SLC25A21: variants seen among roughly 807,000 people sequenced by gnomAD.
The protein encoded by SLC25A21 is solute carrier family 25 member 21.
In SLC25A21, 47 loss-of-function variants were observed where a neutral mutation model predicts 43.8. The observed-to-expected ratio is 1.07, with a 90% CI of 0.85 to 1.37. The LOEUF (loss-of-function observed/expected upper bound fraction) is 1.37. Ranked by LOEUF, SLC25A21 falls within the 40% of genes most tolerant of loss-of-function variation. The pLI is 0.00. For missense variants in SLC25A21, 352 were observed against 350.2 expected (o/e 1.00, Z -0.04); for synonymous variants, 131 against 121.3 (o/e 1.08, Z -0.52).
chr14:37,105,850 G>C (rs943375335), intron 1 of SLC25A21, among the ~76,000 whole-genome samples: 1 of 152,066 alleles, frequency 6.6e-6, no homozygotes, highest in African/African-American at 2.4e-5. Flanking sequence ...AGGTGAGCTT[G>C]CTAATGCCAT....
chr14:36,862,489 C>T (rs1352872437), intron 2 of SLC25A21, among the ~76,000 whole-genome samples: 1 of 152,178 alleles, frequency 6.6e-6, no homozygotes, highest in African/African-American at 2.4e-5. Context: ...AACCATCATT[C>T]TCAGCAAACT....
intron 1 of SLC25A21, among the ~76,000 whole-genome samples, chr14:37,144,996 T>C (rs1963638267): frequency 6.6e-6 from 1 of 152,196 alleles, no homozygotes; most frequent in Non-Finnish European, 1.5e-5. Flanking sequence ...TAACTACTCA[T>C]ATGTTTTCCC....
chr14:36,945,319 T>C (rs1383692332), intron 1 of SLC25A21, among the ~76,000 whole-genome samples: 2 of 152,140 alleles, frequency 1.3e-5, no homozygotes, highest in Non-Finnish European at 2.9e-5. Flanking sequence ...TTAGCCTGTG[T>C]AAGACAAATT....
intron 1 of SLC25A21, among the ~76,000 whole-genome samples, chr14:37,026,696 G>T (rs954225665): frequency 6.6e-5 from 10 of 152,112 alleles, no homozygotes; most frequent in Non-Finnish European, 1.5e-4. Context: ...ATTATGTATT[G>T]TGACAGTCTA....
intron 3 of SLC25A21, among the ~76,000 whole-genome samples, chr14:36,778,335 T>C (rs563627845): frequency 6.6e-6 from 1 of 152,344 alleles, no homozygotes; most frequent in East Asian, 1.9e-4. Flanking sequence ...CTTCCTCCTC[T>C]ATGCTATTAA....
intron 1 of SLC25A21, among the ~76,000 whole-genome samples, chr14:36,989,543 T>C (rs571391874): frequency 1.2e-4 from 18 of 152,166 alleles, no homozygotes; most frequent in Admixed American, 5.2e-4. Flanking sequence ...ACAGACAGCC[T>C]GTTAATGAAC....
chr14:36,888,003 G>A (rs1053779790), intron 1 of SLC25A21, among the ~76,000 whole-genome samples: 9 of 152,066 alleles, frequency 5.9e-5, no homozygotes, highest in South Asian at 2.1e-4. Flanking sequence ...TGCATTCAGC[G>A]GCATCATGTT....
At chr14:37,032,725 T>C (rs1441540712) in intron 1 of SLC25A21, among the ~76,000 whole-genome samples, 3 of 151,558 alleles carry the variant, frequency 2.0e-5, no homozygotes, top group African/African-American at 4.9e-5. Context: ...TTTGTAACTG[T>C]CATTATAATT....
intron 3 of SLC25A21, among the ~76,000 whole-genome samples, chr14:36,802,770 G>A (rs1887911861): frequency 1.3e-5 from 2 of 152,190 alleles, no homozygotes; most frequent in South Asian, 2.1e-4. Context: ...AAAGGGAAAG[G>A]ACATTCTTGG....
intron 3 of SLC25A21, among the ~76,000 whole-genome samples, chr14:36,779,262 TAAG>T (rs557668973): frequency 1.3e-4 from 19 of 146,116 alleles, no homozygotes; most frequent in South Asian, 1.1e-3. Flanking sequence ...ATATAATATA[TAAG>T]AATATATAAG....
At chr14:36,688,891 T>C (rs913067659) in intron 7 of SLC25A21, among the ~76,000 whole-genome samples, 2 of 152,236 alleles carry the variant, frequency 1.3e-5, no homozygotes, top group African/African-American at 2.4e-5. Context: ...GGATTTTTTG[T>C]TACATCCGAG....
At chr14:36,929,347 A>C (rs778996089) in intron 1 of SLC25A21, among the ~76,000 whole-genome samples, 2 of 152,158 alleles carry the variant, frequency 1.3e-5, no homozygotes, top group Admixed American at 6.5e-5. Context: ...CACCTTAACT[A>C]GTTTTTAACA....
intron 1 of SLC25A21, among the ~76,000 whole-genome samples, chr14:36,878,710 A>G (rs1193751229): frequency 3.9e-5 from 6 of 152,334 alleles, no homozygotes; most frequent in Non-Finnish European, 8.8e-5. Flanking sequence ...ATAAAATTAA[A>G]AATCTAACAT....
chr14:37,157,231 C>A (rs184329186), intron 1 of SLC25A21, among the ~76,000 whole-genome samples: 1 of 152,174 alleles, frequency 6.6e-6, no homozygotes, highest in East Asian at 1.9e-4. Context: ...CATGGTGGTG[C>A]ATGCCTGTAA....
intron 1 of SLC25A21, among the ~76,000 whole-genome samples, chr14:36,956,217 T>A (rs1959338393): frequency 6.6e-6 from 1 of 152,210 alleles, no homozygotes; most frequent in Non-Finnish European, 1.5e-5. Context: ...CTGACACATT[T>A]ATATCCTTTC....
chr14:36,941,188 G>C (rs1892548237), intron 1 of SLC25A21, among the ~76,000 whole-genome samples: 1 of 151,882 alleles, frequency 6.6e-6, no homozygotes, highest in African/African-American at 2.4e-5. Flanking sequence ...TGTGATCAGG[G>C]ACAGCAATGA....
intron 1 of SLC25A21, among the ~76,000 whole-genome samples, chr14:37,161,068 C>T (rs1225033904): frequency 6.6e-6 from 1 of 151,740 alleles, no homozygotes; most frequent in Non-Finnish European, 1.5e-5. Context: ...GATGACTATA[C>T]TTAAAATGTA....
At chr14:37,073,147 T>A (rs1424071074) in intron 1 of SLC25A21, among the ~76,000 whole-genome samples, 1 of 152,238 alleles carries the variant, frequency 6.6e-6, no homozygotes, top group African/African-American at 2.4e-5. Flanking sequence ...CATTTCCATG[T>A]GACAGACACT....
At chr14:36,759,153 C>G (rs756408406) in intron 3 of SLC25A21, among the ~76,000 whole-genome samples, 1 of 152,048 alleles carries the variant, frequency 6.6e-6, no homozygotes, top group Non-Finnish European at 1.5e-5. Context: ...TTTTTAAAAC[C>G]CTGCAAAGAG....
Sources: gnomAD v4.1 joint callset for allele counts (sites outside exome capture counted in the v4.1 genomes callset) on GRCh38, gnomAD v4.1.1 for gene constraint, MANE v1.5 for transcripts, NCBI Gene and HGNC (gene_info 2026-07-23, HGNC 2026-07-21) for gene names.